Variants in SH3GL1 observed in about 807,000 individuals in gnomAD.
SH3GL1 encodes the protein SH3 domain containing GRB2 like 1, endophilin A2.
In SH3GL1, 21 loss-of-function variants were observed where a neutral mutation model predicts 48.8. The observed-to-expected ratio is 0.43, with a 90% CI of 0.30 to 0.62. The LOEUF is 0.62. Among genes scored for constraint, SH3GL1 ranks in the 20% least tolerant of loss-of-function variants. SH3GL1 has a pLI of 0.11. For missense variants in SH3GL1, 454 were observed against 503.0 expected, an observed-to-expected ratio of 0.90 and a Z score of 0.93; for synonymous variants, 282 against 217.5, an observed-to-expected ratio of 1.30 and a Z score of -2.61.
At chr19:4,363,965 G>A in intron 5 of SH3GL1, 87 bp from the exon 6 acceptor site, 1 of 1,604,310 alleles carries the variant, frequency 6.2e-7, no homozygotes, top group Non-Finnish European at 8.5e-7. Flanking sequence ...CTGCACCACT[G>A]GGGATCCTGC....
chr19:4,387,967 C>A (rs528892509), intron 1 of SH3GL1, among the ~76,000 whole-genome samples: 22 of 152,102 alleles, frequency 1.4e-4, no homozygotes, highest in African/African-American at 4.8e-4. Context: ...TCAAGCGATT[C>A]TCCCGCCTCA....
At chr19:4,394,142 A>AAAGCC (rs2144926533) in intron 1 of SH3GL1, among the ~76,000 whole-genome samples, 1 of 151,922 alleles carries the variant, frequency 6.6e-6, no homozygotes, top group African/African-American at 2.4e-5. Context: ...AAAAAAAAAA[A>AAAGCC]AAAAGCCAGC....
intron 1 of SH3GL1, among the ~76,000 whole-genome samples, chr19:4,379,881 T>A (rs1255675744): frequency 2.0e-5 from 3 of 152,186 alleles, no homozygotes; most frequent in African/African-American, 7.2e-5. Context: ...TTCTCTGTTG[T>A]CATCGCCCCA....
chr19:4,366,434 C>T, intron 3 of SH3GL1, 67 bp downstream of exon 3: 1 of 1,301,020 alleles, frequency 7.7e-7, no homozygotes, highest in South Asian at 1.2e-5. Flanking sequence ...CTGTCATCCC[C>T]TGCCTTCCCT....
rs1233768884 is a variant in SH3GL1 at position 4,389,685 on chromosome 19, A to C, written c.45+10639T>G. 1.3e-5 allele frequency among the ~76,000 whole-genome samples: 2 copies of C among 152,190 alleles called. No homozygotes were observed. Among genetic ancestry groups the C allele is most frequent in the Non-Finnish European group, 2.9e-5 (2 of 68,036 alleles). Reference sequence around the variant, plus strand: ...GGCCATCCGCTGTAGGGTGGGGGCCACGGTGGCCCATCCGTCCTTCCATGT... The same window carrying C: ...GGCCATCCGCTGTAGGGTGGGGGCCCCGGTGGCCCATCCGTCCTTCCATGT... On this transcript the variant is annotated intron_variant, in intron 1 of 9. Coordinates refer to ENST00000269886, the MANE Select transcript of SH3GL1 (RefSeq NM_003025.4). This position sits in a 1 kb window ranked among gnomAD's most constrained non-coding sequence, Gnocchi z 4.5.
Position 4,376,358 on chromosome 19 carries a change from C to A in SH3GL1, c.46-9364G>T, listed in dbSNP as rs1973008747. 6.6e-6 allele frequency among the ~76,000 whole-genome samples: 1 copy of A among 152,204 alleles called. No homozygotes were observed. The highest frequency in any genetic ancestry group is 1.5e-5 in the Non-Finnish European group (1 of 68,034). On this transcript the variant is annotated intron_variant, in intron 1 of 9. Transcript: ENST00000269886. This position sits in a 1 kb window ranked among gnomAD's most constrained non-coding sequence, Gnocchi z 4.3. ...CATTCCTCAGCGCCCGCTCACAGCTCTGCCCACCGTGCATTCTGTAGAGAA... is the reference window on the plus strand; with the variant it reads ...CATTCCTCAGCGCCCGCTCACAGCTATGCCCACCGTGCATTCTGTAGAGAA...
At chr19:4,392,567 C>CAA (rs976506577) in intron 1 of SH3GL1, among the ~76,000 whole-genome samples, 2 of 126,998 alleles carry the variant, frequency 1.6e-5, no homozygotes, top group African/African-American at 6.4e-5. Context: ...CACACACACA[C>CAA]ACAAAAGATC....
chr19:4,395,355 A>C (rs1973406900), intron 1 of SH3GL1, among the ~76,000 whole-genome samples: 1 of 152,142 alleles, frequency 6.6e-6, no homozygotes, highest in Non-Finnish European at 1.5e-5. Context: ...GCCAGCAGTG[A>C]AAGTGTTTCC....
intron 1 of SH3GL1, among the ~76,000 whole-genome samples, chr19:4,383,063 T>C (rs1973167864): frequency 6.6e-6 from 1 of 152,084 alleles, no homozygotes; most frequent in Admixed American, 6.6e-5. Context: ...TGATTACAAG[T>C]ACACACCACC....
chr19:4,369,947 A>G (rs243255), intron 1 of SH3GL1, among the ~76,000 whole-genome samples: 50,134 of 152,174 alleles, frequency 0.33, 8,861 homozygotes, highest in East Asian at 0.67. Context: ...AAAGCAAGGC[A>G]GCCGGGCCAC....
rs376697216 is a variant in SH3GL1, at chr19:4,361,590, C to G, written c.*10G>C. The G allele has an allele frequency of 1.3e-6, 2 of 1,583,322 alleles. No individual in the cohort carries two copies. Among genetic ancestry groups the G allele is most frequent in the Non-Finnish European group, 8.6e-7 (1 of 1,166,850 alleles). Reference sequence around the variant, plus strand: ...TGTGGACGGAGGGGCGGGGCGGGGACACGGGTGAGTCACTGCGGCAGGGGC... The same window carrying G: ...TGTGGACGGAGGGGCGGGGCGGGGAGACGGGTGAGTCACTGCGGCAGGGGC... On this transcript the variant is annotated 3_prime_UTR_variant, in exon 10 of 10. Coordinates refer to ENST00000269886, the MANE Select transcript of SH3GL1 (RefSeq NM_003025.4).
At chr19:4,394,453 T>C (rs775979862) in intron 1 of SH3GL1, among the ~76,000 whole-genome samples, 1 of 152,154 alleles carries the variant, frequency 6.6e-6, no homozygotes, top group Non-Finnish European at 1.5e-5. Context: ...TACTGCTTTC[T>C]TCCAGATGAT....
chr19:4,373,319 G>A (rs1010978141), intron 1 of SH3GL1, among the ~76,000 whole-genome samples: 1 of 152,160 alleles, frequency 6.6e-6, no homozygotes, highest in Non-Finnish European at 1.5e-5. Flanking sequence ...GAAGGGTCCC[G>A]ACAGCCGGGG....
At chr19:4,362,915 C>G (rs917214073) in intron 7 of SH3GL1, among the ~76,000 whole-genome samples, 179 bp from the exon 8 acceptor site, 1 of 152,148 alleles carries the variant, frequency 6.6e-6, no homozygotes, top group South Asian at 2.1e-4. Flanking sequence ...AGAGGGCCTC[C>G]AGCCTGGACC....
intron 1 of SH3GL1, among the ~76,000 whole-genome samples, chr19:4,392,455 C>T (rs547073547): frequency 2.0e-4 from 30 of 149,378 alleles, no homozygotes; most frequent in African/African-American, 7.1e-4. Flanking sequence ...ACCCAGGAAG[C>T]GGAGGTTGCA....
intron 3 of SH3GL1, 124 bp from the exon 4 acceptor site, chr19:4,365,749 C>A: frequency 1.5e-6 from 2 of 1,357,654 alleles, no homozygotes; most frequent in Admixed American, 1.7e-5. Context: ...CTAGGCCACA[C>A]AAAGCACAGT....
chr19:4,362,117 G>A (rs1247130215), intron 9 of SH3GL1, among the ~76,000 whole-genome samples: 1 of 152,238 alleles, frequency 6.6e-6, no homozygotes, highest in African/African-American at 2.4e-5. Context: ...AGCTAGCTGG[G>A]CTAGTGCCCT....
chr19:4,387,188 G>A (rs529270092), intron 1 of SH3GL1, among the ~76,000 whole-genome samples: 72 of 151,992 alleles, frequency 4.7e-4, no homozygotes, highest in African/African-American at 1.6e-3. Context: ...TGCCCGCCTC[G>A]CCCTCCCAAA....
At chr19:4,392,557 C>T (rs910918232) in intron 1 of SH3GL1, among the ~76,000 whole-genome samples, 1 of 108,576 alleles carries the variant, frequency 9.2e-6, no homozygotes, top group Admixed American at 8.2e-5. Context: ...CACACACACA[C>T]ACACACACAC....
Sources: gnomAD v4.1 joint callset for allele counts (sites outside exome capture counted in the v4.1 genomes callset) on GRCh38, gnomAD v4.1.1 for gene constraint, Gnocchi (gnomAD v3.1) non-coding constraint, MANE v1.5 for transcripts, NCBI Gene and HGNC (gene_info 2026-07-23, HGNC 2026-07-21) for gene names.